The following SLC35F3 variants were observed in gnomAD, a reference collection of about 807,000 sequenced individuals.
SLC35F3 encodes putative thiamine transporter SLC35F3.
SLC35F3 carries 25 observed loss-of-function variants against 49.9 expected under a neutral mutation model. That is an observed-to-expected ratio of 0.50 (90% confidence interval 0.37 to 0.70). The LOEUF (loss-of-function observed/expected upper bound fraction) is 0.70, where lower values mean the gene tolerates loss of function less well. Among genes scored for constraint, SLC35F3 ranks in the 30% least tolerant of loss-of-function variants. The pLI is 0.00. For synonymous variants in SLC35F3, 275 were observed against 265.4 expected, an observed-to-expected ratio of 1.04 and a Z score of -0.35; for missense variants, 525 against 639.8, an observed-to-expected ratio of 0.82 and a Z score of 1.94.
At chr1:234,276,971 C>G (rs1668222221) in intron 3 of SLC35F3, among the ~76,000 whole-genome samples, 1 of 152,184 alleles carries the variant, frequency 6.6e-6, no homozygotes, top group African/African-American at 2.4e-5. Flanking sequence ...TGTGGGCACC[C>G]AGGGGGAGTT....
intron 2 of SLC35F3, among the ~76,000 whole-genome samples, chr1:234,107,353 G>T (rs1665299950): frequency 6.6e-6 from 1 of 152,230 alleles, no homozygotes; most frequent in Non-Finnish European, 1.5e-5. Context: ...CATAACAGGG[G>T]AGTGAAGAAT....
At chr1:234,069,592 G>A (rs147180326) in intron 2 of SLC35F3, among the ~76,000 whole-genome samples, 1 of 152,272 alleles carries the variant, frequency 6.6e-6, no homozygotes, top group East Asian at 1.9e-4. Context: ...TGTCTGCAGT[G>A]CTAAGAGCCA....
At chr1:233,992,946 C>T (rs1211860578) in intron 2 of SLC35F3, among the ~76,000 whole-genome samples, 1 of 152,076 alleles carries the variant, frequency 6.6e-6, no homozygotes, top group African/African-American at 2.4e-5. Flanking sequence ...TCCCAAAAAT[C>T]ATCTCCCACA....
chr1:234,289,299 T>C (rs556354206), intron 3 of SLC35F3, among the ~76,000 whole-genome samples: 88 of 152,244 alleles, frequency 5.8e-4, no homozygotes, highest in Admixed American at 8.5e-4. Context: ...TCCACACAAG[T>C]TTAAAGAAAA....
intron 2 of SLC35F3, among the ~76,000 whole-genome samples, chr1:233,918,305 C>T (rs1035049455): frequency 6.6e-6 from 1 of 152,196 alleles, no homozygotes; most frequent in Admixed American, 6.5e-5. Flanking sequence ...CTCTTGGCCA[C>T]CTGTGCCTGA....
intron 2 of SLC35F3, among the ~76,000 whole-genome samples, chr1:234,167,974 C>A (rs1319036725): frequency 6.6e-6 from 1 of 152,220 alleles, no homozygotes; most frequent in Non-Finnish European, 1.5e-5. Flanking sequence ...AACTACTTAG[C>A]TTTGCCGTGC....
In SLC35F3 at chr1:234,302,043, A is replaced by T. The variant is rs140106587; in HGVS notation, c.609-7058A>T. On this transcript the variant is annotated intron_variant, in intron 3 of 7. Transcript: ENST00000366618. ...AACACACACCAGGGCCTGTTGAAGG[A>T]TGAGGGATGAGGGAAGGGAACTGAG... Among the ~76,000 whole-genome samples the T allele has an allele frequency of 1.1e-3, 175 of 152,270 alleles. 4 individuals are homozygous for T. The highest frequency in any genetic ancestry group is 9.4e-3 in the Admixed American group (144 of 15,286).
intron 2 of SLC35F3, among the ~76,000 whole-genome samples, chr1:234,023,151 G>A (rs1353454385): frequency 1.3e-5 from 2 of 152,162 alleles, no homozygotes; most frequent in Non-Finnish European, 2.9e-5. Context: ...GCAGCCCATG[G>A]AGGAAGAAAA....
At chr1:234,117,606 G>T (rs1017548631) in intron 2 of SLC35F3, among the ~76,000 whole-genome samples, 9 of 134,918 alleles carry the variant, frequency 6.7e-5, no homozygotes, top group Non-Finnish European at 9.4e-5. Context: ...AAAAAAACAG[G>T]CTGGGCGCAG....
At chr1:234,068,803 A>G (rs1487444962) in intron 2 of SLC35F3, among the ~76,000 whole-genome samples, 1 of 126,994 alleles carries the variant, frequency 7.9e-6, no homozygotes, top group Admixed American at 9.4e-5. Context: ...CAGAGGAGTG[A>G]CAGGATAAGA....
intron 3 of SLC35F3, among the ~76,000 whole-genome samples, chr1:234,281,838 C>G (rs1668331141): frequency 6.6e-6 from 1 of 152,100 alleles, no homozygotes; most frequent in Non-Finnish European, 1.5e-5. Context: ...TTTACTTTGT[C>G]TCGGGGGTAG....
intron 2 of SLC35F3, among the ~76,000 whole-genome samples, chr1:234,063,622 G>T (rs771378360): frequency 6.6e-6 from 1 of 151,894 alleles, no homozygotes; most frequent in African/African-American, 2.4e-5. Flanking sequence ...TTGTTATTTT[G>T]TCATGTTTTA....
At chr1:234,135,832 G>C (rs1348675462) in intron 2 of SLC35F3, among the ~76,000 whole-genome samples, 2 of 152,218 alleles carry the variant, frequency 1.3e-5, no homozygotes, top group Admixed American at 6.5e-5. Flanking sequence ...GCTTGTCAGG[G>C]AATGGTGGGA....
chr1:234,154,890 T>C (rs145105082), intron 2 of SLC35F3, among the ~76,000 whole-genome samples: 73 of 152,228 alleles, frequency 4.8e-4, no homozygotes, highest in Non-Finnish European at 4.4e-4. Flanking sequence ...GATAAGCAAG[T>C]ATGTAAATCA....
chr1:234,256,587 C>A (rs1038767929), intron 3 of SLC35F3, among the ~76,000 whole-genome samples: 1 of 152,166 alleles, frequency 6.6e-6, no homozygotes, highest in African/African-American at 2.4e-5. Flanking sequence ...CTTCACTGAC[C>A]ACGGAGTGGT....
At chr1:234,251,460 A>G (rs1294592895) in intron 3 of SLC35F3, among the ~76,000 whole-genome samples, 1 of 73,206 alleles carries the variant, frequency 1.4e-5, no homozygotes, top group Non-Finnish European at 2.6e-5. Context: ...TTTACAAACT[A>G]AACCAAAAAA....
intron 2 of SLC35F3, among the ~76,000 whole-genome samples, chr1:234,195,257 A>G (rs1439628548): frequency 6.6e-6 from 1 of 152,166 alleles, no homozygotes; most frequent in Non-Finnish European, 1.5e-5. Context: ...AGACCATCCC[A>G]GCCTCCTGTG....
chr1:234,086,381 CA>C (rs1664961020), intron 2 of SLC35F3, among the ~76,000 whole-genome samples: 1 of 152,198 alleles, frequency 6.6e-6, no homozygotes, highest in African/African-American at 2.4e-5. Context: ...GATCTTACTC[CA>C]TAGCCAACTG....
At position 234,165,095 on chromosome 1, in the gene SLC35F3, C is replaced by G. The variant is rs113738705; in HGVS notation, c.284-66322C>G. Among the ~76,000 whole-genome samples the G allele has an allele frequency of 6.3e-3, 921 of 146,764 alleles. 12 individuals are homozygous for G. The highest frequency in any genetic ancestry group is 0.022 in the African/African-American group (879 of 39,932). On this transcript the variant is annotated intron_variant, in intron 2 of 7. Coordinates refer to ENST00000366618, the MANE Select transcript of SLC35F3 (RefSeq NM_173508.4). ...GTGTGTGTGTGTGTGTAAAATAAAA[C>G]TTTATTTGCAAAAACAGGCTACTTG...
Sources: allele counts gnomAD v4.1 joint callset (sites outside exome capture counted in the v4.1 genomes callset), GRCh38; gene constraint gnomAD v4.1.1; transcripts MANE v1.5; gene names NCBI Gene and HGNC (gene_info 2026-07-23, HGNC 2026-07-21).